Variants in ZNF277 observed in about 807,000 individuals in gnomAD.
ZNF277 encodes nuclear receptor-interacting factor 4.
A neutral mutation model predicts 60.7 loss-of-function variants in ZNF277; 55 were observed. The ratio of observed to expected loss-of-function variants is 0.91; its 90% CI spans 0.73 to 1.13. The LOEUF (loss-of-function observed/expected upper bound fraction) is 1.13. Among genes scored for constraint, ZNF277 ranks in the 50% most tolerant of loss-of-function variants. The pLI, the probability that ZNF277 is intolerant of heterozygous loss-of-function variation, is 0.00. For missense variants in ZNF277, 510 were observed against 523.0 expected (o/e 0.98, Z 0.24); for synonymous variants, 178 against 179.3 (o/e 0.99, Z 0.06).
chr7:112,288,356 T>G (rs1792118029), intron 2 of ZNF277: 1 of 152,236 alleles, frequency 6.6e-6, no homozygotes, highest in South Asian at 2.1e-4. Context: ...TACCCCTGCA[T>G]CTAAACTCTG....
At chr7:112,296,612 G>C (rs1035276282) in intron 4 of ZNF277, among the ~76,000 whole-genome samples, 5 of 151,826 alleles carry the variant, frequency 3.3e-5, no homozygotes, top group African/African-American at 1.2e-4. Flanking sequence ...ACACATGCTA[G>C]GGTTCAGTAG....
At chr7:112,211,214 G>T (rs199980111) in intron 1 of ZNF277, among the ~76,000 whole-genome samples, 2 of 152,154 alleles carry the variant, frequency 1.3e-5, no homozygotes, top group African/African-American at 4.8e-5. Flanking sequence ...CCTCATTCTT[G>T]TATTTCCTAT....
intron 1 of ZNF277, among the ~76,000 whole-genome samples, chr7:112,282,434 T>C (rs1791967825): frequency 6.6e-6 from 1 of 152,226 alleles, no homozygotes; most frequent in South Asian, 2.1e-4. Flanking sequence ...TTCCCTGCCA[T>C]AAAACAAACA....
At chr7:112,248,035 G>C (rs960706122) in intron 1 of ZNF277, among the ~76,000 whole-genome samples, 18 of 152,036 alleles carry the variant, frequency 1.2e-4, no homozygotes, top group African/African-American at 4.1e-4. Flanking sequence ...ATACTTTTTG[G>C]GTACTCAATA....
chr7:112,285,065 C>T (rs943191060), intron 1 of ZNF277, among the ~76,000 whole-genome samples: 1 of 152,082 alleles, frequency 6.6e-6, no homozygotes, highest in Non-Finnish European at 1.5e-5. Context: ...GAGTCACGCT[C>T]TGTCACCAGG....
intron 4 of ZNF277, among the ~76,000 whole-genome samples, chr7:112,303,057 C>T (rs1792514844): frequency 6.6e-6 from 1 of 150,436 alleles, no homozygotes; most frequent in African/African-American, 2.5e-5. Context: ...AAGCAATTCT[C>T]ATGCCTCAGC....
At chr7:112,294,642 C>A (rs970377732) in intron 2 of ZNF277, among the ~76,000 whole-genome samples, 1 of 152,150 alleles carries the variant, frequency 6.6e-6, no homozygotes, top group Non-Finnish European at 1.5e-5. Context: ...CTTTTTCTTA[C>A]ATATTCTATA....
At position 112,296,274 on chromosome 7, in the gene ZNF277, A is replaced by G. The variant is rs769973538; in HGVS notation, c.428A>G (p.Asp143Gly). 2.5e-6 allele frequency: 4 copies of G among 1,593,686 alleles called. No homozygotes were observed. The highest frequency in any genetic ancestry group is 3.6e-5 in the Admixed American group (2 of 55,278). Residue 143 changes from aspartate to glycine, a missense_variant, in exon 4 of 12, where the codon GAT becomes GGT. Transcript: ENST00000361822. Reference sequence around the variant, plus strand: ...TTGTTATGTGACGTTTTACCAGAAGATAGAATTCTTAGAGAAGAGCTTCAG... The same window carrying G: ...TTGTTATGTGACGTTTTACCAGAAGGTAGAATTCTTAGAGAAGAGCTTCAG... Reference protein sequence around the residue: ...YFLLCDVLPEDRILREELQKQ... With the variant: ...YFLLCDVLPEGRILREELQKQ...
intron 1 of ZNF277, among the ~76,000 whole-genome samples, chr7:112,252,564 C>A (rs1262535754): frequency 6.6e-6 from 1 of 152,096 alleles, no homozygotes; most frequent in East Asian, 1.9e-4. Context: ...TAACTTTGCC[C>A]AATTCCTGAA....
Position 112,342,979 on chromosome 7 carries a change from G to A in ZNF277, c.*250G>A, listed in dbSNP as rs922145281. 2 of 261,136 alleles carry A rather than the reference G, an allele frequency of 7.7e-6. No homozygotes were observed. The highest frequency in any genetic ancestry group is 4.4e-5 in the African/African-American group (2 of 45,040). The allele number at this position is 261,136 out of a possible 1,614,324, so 16.2% of individuals were successfully genotyped here. A position where few individuals can be genotyped will look rare whatever the true frequency, so the allele number is the denominator to read the frequency against. Reference sequence around the variant, plus strand: ...TGTATTTTGGCTGTAAAGTTTTATTGTGTGATCATCTTAAATTATCTCACT... The same window carrying A: ...TGTATTTTGGCTGTAAAGTTTTATTATGTGATCATCTTAAATTATCTCACT... On this transcript the variant is annotated 3_prime_UTR_variant, in exon 12 of 12. Transcript: ENST00000361822.
chr7:112,336,444 TGCC>T (rs1793336612), intron 8 of ZNF277, among the ~76,000 whole-genome samples: 1 of 152,200 alleles, frequency 6.6e-6, no homozygotes, highest in African/African-American at 2.4e-5. Context: ...CGAAGTGCTT[TGCC>T]TGCTCAGTTA....
chr7:112,287,058 G>A lies in ZNF277; in HGVS notation c.277G>A (p.Val93Ile). 6.2e-7 allele frequency: 1 copy of A among 1,614,008 alleles called. No individual in the cohort carries two copies. The highest frequency in any genetic ancestry group is 8.5e-7 in the Non-Finnish European group (1 of 1,179,946). Residue 93 changes from valine to isoleucine, a missense_variant, in exon 2 of 12, where the codon GTT becomes ATT. Physicochemically the swap from Val to Ile is conservative, Grantham distance 29. Transcript: ENST00000361822. Reference sequence around the variant, plus strand: ...GATTGTCATAGCTGATGTCAAGTTGGTTGCTGATTTCCAAAGGTAAGTTCT... The same window carrying A: ...GATTGTCATAGCTGATGTCAAGTTGATTGCTGATTTCCAAAGGTAAGTTCT... ...HKIVIADVKL[V>I]ADFQRYILYW...
At chr7:112,292,699 T>C (rs564044442) in intron 2 of ZNF277, among the ~76,000 whole-genome samples, 1 of 152,294 alleles carries the variant, frequency 6.6e-6, no homozygotes, top group African/African-American at 2.4e-5. Flanking sequence ...CACATCTCAA[T>C]TCTAACATTT....
At chr7:112,257,076 T>C (rs1791330517) in intron 1 of ZNF277, among the ~76,000 whole-genome samples, 1 of 152,224 alleles carries the variant, frequency 6.6e-6, no homozygotes, top group Non-Finnish European at 1.5e-5. Flanking sequence ...TAAGTAGTTA[T>C]TTTTCAATGG....
chr7:112,274,982 C>T (rs146704445), intron 1 of ZNF277, among the ~76,000 whole-genome samples: 1 of 152,122 alleles, frequency 6.6e-6, no homozygotes, highest in Non-Finnish European at 1.5e-5. Flanking sequence ...TGCCAAAAAG[C>T]CTTTTGTTTG....
intron 4 of ZNF277, among the ~76,000 whole-genome samples, chr7:112,297,003 C>G (rs908313895): frequency 6.1e-5 from 8 of 131,776 alleles, no homozygotes; most frequent in African/African-American, 1.9e-4. Flanking sequence ...TCTCAGCTCA[C>G]TGCAAGCTCC....
chr7:112,277,434 T>A (rs967887143), intron 1 of ZNF277, among the ~76,000 whole-genome samples: 2 of 152,164 alleles, frequency 1.3e-5, no homozygotes, highest in African/African-American at 2.4e-5. Context: ...AAAATTAACA[T>A]ACACACAGTA....
At chr7:112,214,813 A>G (rs994271357) in intron 1 of ZNF277, among the ~76,000 whole-genome samples, 2 of 152,186 alleles carry the variant, frequency 1.3e-5, no homozygotes, top group Admixed American at 6.5e-5. Flanking sequence ...AAAATAATCA[A>G]TGTACAGTAT....
chr7:112,274,209 G>C (rs12666328), intron 1 of ZNF277, among the ~76,000 whole-genome samples: 2 of 151,832 alleles, frequency 1.3e-5, no homozygotes, highest in Admixed American at 1.3e-4. Flanking sequence ...CCAGGCTGGC[G>C]TGAGGTGACA....
Sources: gnomAD v4.1 joint callset for allele counts (sites outside exome capture counted in the v4.1 genomes callset) on GRCh38, gnomAD v4.1.1 for gene constraint, MANE v1.5 for transcripts, NCBI Gene and HGNC (gene_info 2026-07-23, HGNC 2026-07-21) for gene names.